The following SLC4A10 variants were observed in gnomAD, a reference collection of about 807,000 sequenced individuals.
The protein encoded by SLC4A10 is sodium-driven chloride bicarbonate exchanger.
In SLC4A10, 42 loss-of-function variants were observed where a neutral mutation model predicts 137.7. The ratio of observed to expected loss-of-function variants is 0.30; its 90% confidence interval spans 0.24 to 0.39. The LOEUF (loss-of-function observed/expected upper bound fraction) is 0.39. Among genes scored for constraint, SLC4A10 ranks in the 10% least tolerant of loss-of-function variants. The pLI, the probability that SLC4A10 is intolerant of heterozygous loss-of-function variation, is 1.00. For missense variants in SLC4A10, 925 were observed against 1,355.0 expected, an observed-to-expected ratio of 0.68 and a Z score of 4.98; for synonymous variants, 474 against 464.1, an observed-to-expected ratio of 1.02 and a Z score of -0.27.
intron 22 of SLC4A10, 33 bp downstream of exon 22, chr2:161,964,341 C>G: frequency 2.5e-6 from 4 of 1,602,390 alleles, no homozygotes; most frequent in Non-Finnish European, 3.4e-6. Flanking sequence ...TTTTCTCTTT[C>G]TCTGATTTGC....
chr2:161,707,463 CTT>C (rs202011270), intron 1 of SLC4A10, among the ~76,000 whole-genome samples: 4 of 141,578 alleles, frequency 2.8e-5, no homozygotes, highest in Admixed American at 7.1e-5. Context: ...TAATCTTAGT[CTT>C]TTTTTTTTTT....
At chr2:161,894,032 A>G (rs1316357583) in intron 10 of SLC4A10, among the ~76,000 whole-genome samples, 2 of 152,046 alleles carry the variant, frequency 1.3e-5, no homozygotes, top group African/African-American at 4.8e-5. Context: ...AAGTCAAAAG[A>G]TTGTAAGAGA....
intron 2 of SLC4A10, among the ~76,000 whole-genome samples, chr2:161,799,960 A>G (rs1231178132): frequency 2.6e-5 from 4 of 151,992 alleles, no homozygotes; most frequent in Non-Finnish European, 4.4e-5. Context: ...AGAGGAAGAG[A>G]AAGTTTATCT....
chr2:161,630,344 T>C (rs1330931490), intron 1 of SLC4A10, among the ~76,000 whole-genome samples: 1 of 151,814 alleles, frequency 6.6e-6, no homozygotes, highest in Non-Finnish European at 1.5e-5. Flanking sequence ...TGGCCTCACA[T>C]ACTGAGTTAG....
intron 1 of SLC4A10, among the ~76,000 whole-genome samples, chr2:161,765,516 A>G (rs1289023093): frequency 2.0e-5 from 3 of 151,616 alleles, no homozygotes; most frequent in African/African-American, 4.8e-5. Flanking sequence ...CTGAGGCAGG[A>G]GAATTGGTTG....
chr2:161,726,672 G>A (rs2046259338), intron 1 of SLC4A10, among the ~76,000 whole-genome samples: 1 of 152,192 alleles, frequency 6.6e-6, no homozygotes, highest in Non-Finnish European at 1.5e-5. Context: ...ACTTTGGGAG[G>A]CCGAGGCAGG....
intron 1 of SLC4A10, among the ~76,000 whole-genome samples, chr2:161,656,981 G>T (rs941423560): frequency 1.3e-5 from 2 of 151,962 alleles, no homozygotes; most frequent in African/African-American, 4.8e-5. Flanking sequence ...TTTATAATTT[G>T]TTAGATTCTG....
At chr2:161,901,059 C>G (rs1032752150) in intron 12 of SLC4A10, 48 bp downstream of exon 12, 1 of 1,334,910 alleles carries the variant, frequency 7.5e-7, no homozygotes, top group Non-Finnish European at 1.1e-6. Flanking sequence ...AATGACATAC[C>G]ATTCTTCTCT....
chr2:161,751,179 G>A (rs991787712), intron 1 of SLC4A10, among the ~76,000 whole-genome samples: 1 of 151,580 alleles, frequency 6.6e-6, no homozygotes, highest in African/African-American at 2.4e-5. Context: ...GTTGTTATTT[G>A]TTTGTTCGTT....
chr2:161,903,725 A>G lies in SLC4A10; in HGVS notation c.1443-279A>G, dbSNP rs529390686. On this transcript the variant is annotated intron_variant, in intron 12 of 26. Transcript: ENST00000446997. ...GAGATTAGAGTAATCCTTGAATCTC[A>G]TTATTTGGATTATGATTGGTAAACA... Among the ~76,000 whole-genome samples, 645 of 152,276 alleles carry G rather than the reference A, an allele frequency of 4.2e-3. 2 individuals are homozygous for G. Among genetic ancestry groups the G allele is most frequent in the African/African-American group, 0.015 (618 of 41,542 alleles).
intron 4 of SLC4A10, among the ~76,000 whole-genome samples, chr2:161,854,339 T>C (rs1388911535): frequency 6.6e-6 from 1 of 152,180 alleles, no homozygotes; most frequent in Non-Finnish European, 1.5e-5. Flanking sequence ...GGTCCCCCAT[T>C]TGACATCATG....
At chr2:161,628,319 A>G (rs1007755143) in intron 1 of SLC4A10, among the ~76,000 whole-genome samples, 1 of 152,028 alleles carries the variant, frequency 6.6e-6, no homozygotes, top group Non-Finnish European at 1.5e-5. Flanking sequence ...CTGAAAAAGG[A>G]CTTAAGTTGA....
At chr2:161,651,683 A>T (rs549041001) in intron 1 of SLC4A10, among the ~76,000 whole-genome samples, 2 of 152,366 alleles carry the variant, frequency 1.3e-5, no homozygotes, top group South Asian at 4.1e-4. Flanking sequence ...GTCCTGCTGC[A>T]GCCTTGCACG....
At chr2:161,655,147 A>T (rs1461490000) in intron 1 of SLC4A10, among the ~76,000 whole-genome samples, 1 of 151,562 alleles carries the variant, frequency 6.6e-6, no homozygotes, top group African/African-American at 2.4e-5. Flanking sequence ...TGTCAATGTG[A>T]TTGTTTTCTT....
At chr2:161,781,345 A>G (rs1289798171) in intron 2 of SLC4A10, among the ~76,000 whole-genome samples, 1 of 152,078 alleles carries the variant, frequency 6.6e-6, no homozygotes, top group East Asian at 1.9e-4. Flanking sequence ...TTCAATAAAT[A>G]TCTTCCACTT....
intron 3 of SLC4A10, among the ~76,000 whole-genome samples, chr2:161,816,058 T>C (rs556107604): frequency 4.1e-4 from 62 of 152,148 alleles, no homozygotes; most frequent in Non-Finnish European, 7.6e-4. Context: ...CCACACTCAG[T>C]TTATTTGCTA....
chr2:161,763,489 G>A (rs943304533), intron 1 of SLC4A10, among the ~76,000 whole-genome samples: 2 of 152,076 alleles, frequency 1.3e-5, no homozygotes, highest in Admixed American at 1.3e-4. Context: ...AAATCAACTA[G>A]GGTTCATGAA....
At chr2:161,958,591 T>C in intron 21 of SLC4A10, 36 bp downstream of exon 21, 1 of 1,506,554 alleles carries the variant, frequency 6.6e-7, no homozygotes, top group Non-Finnish European at 9.2e-7. Context: ...ACATCTGTGA[T>C]GACTGACCTT....
At position 161,801,818 on chromosome 2, in the gene SLC4A10, T is replaced by C. The variant is rs543402667; in HGVS notation, c.131-2631T>C. ...CTGAATGATATAGCTACTAATATTT[T>C]CATTTTATAGATAAAGTGAAAGATA... is the stretch of plus-strand genomic sequence containing the variant. On this transcript the variant is annotated intron_variant, in intron 2 of 26. Coordinates refer to ENST00000446997, the MANE Select transcript of SLC4A10 (RefSeq NM_001178015.2). Among the ~76,000 whole-genome samples, 219 of 152,242 alleles carry C rather than the reference T, an allele frequency of 1.4e-3. 1 individual carries two copies. The highest frequency in any genetic ancestry group is 2.6e-3 in the Non-Finnish European group (175 of 67,988).
Sources: gnomAD v4.1 joint callset for allele counts (sites outside exome capture counted in the v4.1 genomes callset) on GRCh38, gnomAD v4.1.1 for gene constraint, MANE v1.5 for transcripts, NCBI Gene and HGNC (gene_info 2026-07-23, HGNC 2026-07-21) for gene names.